Variants in PARD3B observed in about 807,000 individuals in gnomAD.
The protein encoded by PARD3B is partitioning defective 3 homolog B.
A neutral mutation model predicts 130.2 loss-of-function variants in PARD3B; 103 were observed. The ratio of observed to expected loss-of-function variants is 0.79; its 90% CI spans 0.67 to 0.93. The LOEUF (loss-of-function observed/expected upper bound fraction) is 0.93, where lower values mean the gene tolerates loss of function less well. PARD3B is among the 40% of genes least tolerant of loss of function. The probability of loss-of-function intolerance (pLI) is 0.00; values close to 1 mark genes in which losing one functional copy is unlikely to be tolerated. For missense variants in PARD3B, 1,609 were observed against 1,499.2 expected, an observed-to-expected ratio of 1.07 and a Z score of -1.21; for synonymous variants, 583 against 553.2, an observed-to-expected ratio of 1.05 and a Z score of -0.76.
At chr2:205,343,186 G>A (rs535618506) in intron 18 of PARD3B, among the ~76,000 whole-genome samples, 8 of 152,316 alleles carry the variant, frequency 5.3e-5, no homozygotes, top group Non-Finnish European at 1.0e-4. Context: ...GTGACTAAGT[G>A]GATGAAGCCC....
chr2:205,094,657 T>C (rs1702300149), intron 4 of PARD3B, among the ~76,000 whole-genome samples: 1 of 152,166 alleles, frequency 6.6e-6, no homozygotes, highest in South Asian at 2.1e-4. Context: ...ATCCTGAAGA[T>C]TTTCGTCATG....
chr2:204,939,014 A>G (rs1688683933), intron 2 of PARD3B, among the ~76,000 whole-genome samples: 1 of 152,232 alleles, frequency 6.6e-6, no homozygotes, highest in African/African-American at 2.4e-5. Context: ...GCTGGATGGC[A>G]TCAAATGTAC....
chr2:205,202,381 C>T (rs1188743956), intron 15 of PARD3B, among the ~76,000 whole-genome samples: 1 of 152,180 alleles, frequency 6.6e-6, no homozygotes, highest in Non-Finnish European at 1.5e-5. Flanking sequence ...CTATCCTTTC[C>T]TCCTGCTGTA....
At chr2:205,273,007 C>G (rs2040792100) in intron 16 of PARD3B, among the ~76,000 whole-genome samples, 1 of 152,094 alleles carries the variant, frequency 6.6e-6, no homozygotes, top group Non-Finnish European at 1.5e-5. Flanking sequence ...CAAAATCATC[C>G]TCTTTATATC....
At chr2:205,120,406 C>T (rs961413742) in intron 7 of PARD3B, among the ~76,000 whole-genome samples, 2 of 152,048 alleles carry the variant, frequency 1.3e-5, no homozygotes, top group African/African-American at 4.8e-5. Flanking sequence ...TTCCTTCTCC[C>T]CTAACAATTT....
intron 15 of PARD3B, among the ~76,000 whole-genome samples, chr2:205,194,521 A>G (rs2036564047): frequency 6.6e-6 from 1 of 152,218 alleles, no homozygotes; most frequent in South Asian, 2.1e-4. Context: ...GTTCATTTTC[A>G]TAGAGTGCTT....
At chr2:204,933,745 C>T (rs1191259578) in intron 2 of PARD3B, among the ~76,000 whole-genome samples, 3 of 152,180 alleles carry the variant, frequency 2.0e-5, no homozygotes, top group Admixed American at 6.5e-5. Context: ...ACTTGGATCT[C>T]TTGCCTCTGT....
intron 2 of PARD3B, among the ~76,000 whole-genome samples, chr2:204,699,384 A>G (rs1378890951): frequency 4.6e-5 from 7 of 152,166 alleles, no homozygotes; most frequent in Non-Finnish European, 7.3e-5. Flanking sequence ...CATTGAAATC[A>G]CAATCACTCC....
At chr2:205,225,925 C>G (rs909469894) in intron 15 of PARD3B, among the ~76,000 whole-genome samples, 2 of 152,142 alleles carry the variant, frequency 1.3e-5, no homozygotes, top group African/African-American at 4.8e-5. Flanking sequence ...GGGTAGTTTG[C>G]AAATATTTTC....
chr2:204,966,694 C>CT (rs1251620790), intron 3 of PARD3B, among the ~76,000 whole-genome samples: 1 of 152,060 alleles, frequency 6.6e-6, no homozygotes, highest in Non-Finnish European at 1.5e-5. Context: ...TTTTCTTCAG[C>CT]TTTTTTGTTG....
At chr2:204,632,731 C>G (rs1185532228) in intron 1 of PARD3B, among the ~76,000 whole-genome samples, 1 of 152,198 alleles carries the variant, frequency 6.6e-6, no homozygotes, top group Non-Finnish European at 1.5e-5. Context: ...GTTGCACATT[C>G]ACTCACTGCT....
chr2:204,850,333 G>C (rs2044656061), intron 2 of PARD3B, among the ~76,000 whole-genome samples: 1 of 152,002 alleles, frequency 6.6e-6, no homozygotes, highest in African/African-American at 2.4e-5. Context: ...AAGAGAAGAA[G>C]TAATTGAAAC....
intron 2 of PARD3B, among the ~76,000 whole-genome samples, chr2:204,807,015 T>C (rs1428922346): frequency 6.6e-6 from 1 of 152,120 alleles, no homozygotes; most frequent in Non-Finnish European, 1.5e-5. Flanking sequence ...GCTTCACAAT[T>C]ATTGCAGAAG....
intron 1 of PARD3B, among the ~76,000 whole-genome samples, chr2:204,552,371 G>T (rs1212077051): frequency 6.6e-6 from 1 of 152,176 alleles, no homozygotes; most frequent in East Asian, 1.9e-4. Context: ...ACAGGCTGAG[G>T]ATGTACATCC....
In PARD3B at chr2:205,103,252, A is replaced by AC. The variant is rs1187565079; in HGVS notation, c.505-1174_505-1173insC. On this transcript the variant is annotated intron_variant, in intron 4 of 22. Coordinates refer to ENST00000406610, the MANE Select transcript of PARD3B (RefSeq NM_001302769.2). ...AAACATATTTTATATTTATGTAAAAAACATTTTATATTTATGTAAAATAAA... is the reference window on the plus strand; with the variant it reads ...AAACATATTTTATATTTATGTAAAAACACATTTTATATTTATGTAAAATAAA... 9.1e-5 allele frequency among the ~76,000 whole-genome samples: 5 copies of AC among 55,146 alleles called. 1 individual carries two copies. Among genetic ancestry groups the AC allele is most frequent in the Admixed American group, 2.4e-4 (1 of 4,154 alleles). The allele number at this position is 55,146 out of a possible 152,430, so 36.2% of individuals were successfully genotyped here.
At chr2:205,006,174 C>T (rs6745951) in intron 3 of PARD3B, among the ~76,000 whole-genome samples, 68,599 of 151,966 alleles carry the variant, frequency 0.45, 16,579 homozygotes, top group East Asian at 0.82. Flanking sequence ...TAGTATTCCA[C>T]GGTGTATATA....
At chr2:204,811,155 C>CAT (rs1253999564) in intron 2 of PARD3B, among the ~76,000 whole-genome samples, 1 of 151,898 alleles carries the variant, frequency 6.6e-6, no homozygotes, top group Non-Finnish European at 1.5e-5. Flanking sequence ...TCAGTGGTAA[C>CAT]ATACCCTTTG....
intron 20 of PARD3B, among the ~76,000 whole-genome samples, chr2:205,475,434 C>CT (rs1367411889): frequency 6.6e-6 from 1 of 152,174 alleles, no homozygotes; most frequent in East Asian, 1.9e-4. Context: ...AACTCGGTCT[C>CT]TTTTTATAGT....
rs116201479 is a variant in PARD3B, at chr2:205,219,414, T to A, written c.2140+26094T>A. 6.0e-3 allele frequency among the ~76,000 whole-genome samples: 918 copies of A among 152,286 alleles called. 15 individuals are homozygous for A. Among genetic ancestry groups the A allele is most frequent in the African/African-American group, 0.021 (856 of 41,556 alleles). On this transcript the variant is annotated intron_variant, in intron 15 of 22. Transcript: ENST00000406610. ...ACATAAACCCCCAAAGTTAATAAAC[T>A]CTAATAAACAATGAATCTGGATGAC...
Sources: allele counts gnomAD v4.1 joint callset (sites outside exome capture counted in the v4.1 genomes callset), GRCh38; gene constraint gnomAD v4.1.1; transcripts MANE v1.5; gene names NCBI Gene and HGNC (gene_info 2026-07-23, HGNC 2026-07-21).